Variants in PTCHD4 observed in about 807,000 individuals in gnomAD.
PTCHD4 encodes the protein patched domain containing 4.
A neutral mutation model predicts 58.1 loss-of-function variants in PTCHD4; 33 were observed. The ratio of observed to expected loss-of-function variants is 0.57; its 90% confidence interval spans 0.43 to 0.76. PTCHD4 has a LOEUF of 0.76. Ranked by LOEUF, PTCHD4 falls within the 30% of genes least tolerant of loss-of-function variation. The pLI, the probability that PTCHD4 is intolerant of heterozygous loss-of-function variation, is 0.00. For synonymous variants in PTCHD4, 478 were observed against 409.6 expected (o/e 1.17, Z -2.02); for missense variants, 1,058 against 1,027.1 (o/e 1.03, Z -0.41).
At chr6:48,080,044 G>A (rs1765135009) in intron 1 of PTCHD4, among the ~76,000 whole-genome samples, 1 of 133,998 alleles carries the variant, frequency 7.5e-6, no homozygotes, top group South Asian at 2.4e-4. Flanking sequence ...AAATAGAAGA[G>A]CCTAACTGCT....
rs186741159 is a variant in PTCHD4, at chr6:47,859,589, T to C, written c.*18714A>G. On this transcript the variant is annotated 3_prime_UTR_variant, in exon 5 of 5. Coordinates refer to ENST00000339488, the MANE Select transcript of PTCHD4 (RefSeq NM_001384253.1). ...TCAAATATTTATTGAATGCCTAACA[T>C]GTGCCTGGCACCCTTCAGGGTACTG... Among the ~76,000 whole-genome samples the C allele has an allele frequency of 6.6e-6, 1 of 151,980 alleles. No individual in the cohort carries two copies. The highest frequency in any genetic ancestry group is 1.5e-5 in the Non-Finnish European group (1 of 67,966).
At chr6:48,104,886 C>T (rs1367107901) in intron 1 of PTCHD4, among the ~76,000 whole-genome samples, 2 of 152,136 alleles carry the variant, frequency 1.3e-5, no homozygotes, top group Admixed American at 1.3e-4. Context: ...GGGATCAATT[C>T]AACAAGAAGA....
chr6:48,021,628 A>T (rs573165902), intron 3 of PTCHD4, among the ~76,000 whole-genome samples: 90 of 151,650 alleles, frequency 5.9e-4, no homozygotes, highest in Admixed American at 9.8e-4. Context: ...TTTTTCTTGG[A>T]TTATACAGAT....
intron 3 of PTCHD4, among the ~76,000 whole-genome samples, chr6:48,050,301 C>A (rs571297465): frequency 6.6e-6 from 1 of 151,892 alleles, no homozygotes; most frequent in African/African-American, 2.4e-5. Context: ...AGGGAATATA[C>A]TTTTATTAGT....
intron 4 of PTCHD4, among the ~76,000 whole-genome samples, chr6:47,888,566 G>C (rs973616139): frequency 1.3e-5 from 2 of 152,106 alleles, no homozygotes; most frequent in Admixed American, 6.5e-5. Flanking sequence ...TTAGTGTATA[G>C]ATAAAAGACA....
intron 4 of PTCHD4, among the ~76,000 whole-genome samples, chr6:47,904,213 T>C (rs950474561): frequency 6.6e-6 from 1 of 152,190 alleles, no homozygotes; most frequent in African/African-American, 2.4e-5. Context: ...GTTGCCATCA[T>C]GAGAATAGAA....
intron 3 of PTCHD4, among the ~76,000 whole-genome samples, chr6:48,041,646 T>C (rs552145434): frequency 1.3e-5 from 2 of 152,052 alleles, no homozygotes; most frequent in African/African-American, 4.8e-5. Context: ...TTGTCCGGTA[T>C]GTCAACTCTT....
chr6:47,937,776 G>A (rs55716297), intron 4 of PTCHD4, among the ~76,000 whole-genome samples: 18,210 of 152,216 alleles, frequency 0.12, 1,171 homozygotes, highest in African/African-American at 0.16. Flanking sequence ...AGGGTTGGAA[G>A]AAGAGAGGGG....
intron 4 of PTCHD4, among the ~76,000 whole-genome samples, chr6:47,974,661 CT>C (rs1206699790): frequency 6.6e-6 from 1 of 152,166 alleles, no homozygotes; most frequent in East Asian, 1.9e-4. Context: ...AAAATTGCCC[CT>C]GGTTGAGAAT....
At chr6:48,104,711 C>G (rs1765682623) in intron 1 of PTCHD4, among the ~76,000 whole-genome samples, 1 of 152,172 alleles carries the variant, frequency 6.6e-6, no homozygotes, top group Non-Finnish European at 1.5e-5. Flanking sequence ...AAACCTATCT[C>G]ATGTGCAGAG....
chr6:48,061,229 G>T (rs1289910863), intron 3 of PTCHD4, among the ~76,000 whole-genome samples: 1 of 152,094 alleles, frequency 6.6e-6, no homozygotes, highest in Non-Finnish European at 1.5e-5. Context: ...TTAAAGAGAT[G>T]GTTGGATTTA....
chr6:47,907,236 G>A (rs1040882104), intron 4 of PTCHD4, among the ~76,000 whole-genome samples: 15 of 152,126 alleles, frequency 9.9e-5, no homozygotes, highest in Non-Finnish European at 1.9e-4. Flanking sequence ...AAAATTTCCT[G>A]AGATTCTGCA....
chr6:47,926,539 T>C (rs887295289), intron 4 of PTCHD4, among the ~76,000 whole-genome samples: 4 of 152,210 alleles, frequency 2.6e-5, no homozygotes, highest in Non-Finnish European at 5.9e-5. Flanking sequence ...CCAAGATCTA[T>C]TGAATCAGAA....
intron 1 of PTCHD4, among the ~76,000 whole-genome samples, chr6:48,083,021 A>G (rs1318045085): frequency 6.6e-6 from 1 of 151,584 alleles, no homozygotes; most frequent in Non-Finnish European, 1.5e-5. Flanking sequence ...ATAGTTACCC[A>G]GGGGAAAAAA....
chr6:47,983,347 C>G (rs12199263), intron 4 of PTCHD4, among the ~76,000 whole-genome samples: 18,473 of 151,902 alleles, frequency 0.12, 1,460 homozygotes, highest in South Asian at 0.2. Flanking sequence ...TGAATTTATG[C>G]AGGGTTCAAA....
At chr6:47,996,555 G>GCTGAGTCT (rs2114049538) in intron 4 of PTCHD4, among the ~76,000 whole-genome samples, 2 of 152,282 alleles carry the variant, frequency 1.3e-5, no homozygotes, top group East Asian at 3.9e-4. Context: ...AGCTAGCAGA[G>GCTGAGTCT]CCAAGGAGCC....
intron 4 of PTCHD4, among the ~76,000 whole-genome samples, chr6:47,909,075 A>G (rs751936052): frequency 4.6e-5 from 7 of 152,180 alleles, no homozygotes; most frequent in Non-Finnish European, 7.4e-5. Flanking sequence ...ACCACAAATT[A>G]TGTTTTGAAT....
At chr6:47,928,147 A>G (rs1166163434) in intron 4 of PTCHD4, among the ~76,000 whole-genome samples, 8 of 152,154 alleles carry the variant, frequency 5.3e-5, no homozygotes, top group Non-Finnish European at 1.0e-4. Flanking sequence ...TGCTTTTTCC[A>G]AGCTCACACC....
intron 1 of PTCHD4, among the ~76,000 whole-genome samples, chr6:48,086,518 T>TC (rs1363831624): frequency 2.6e-5 from 4 of 151,810 alleles, no homozygotes; most frequent in South Asian, 4.2e-4. Flanking sequence ...TGTTTTTTTT[T>TC]CCCTAATATA....
Sources: allele counts gnomAD v4.1 joint callset (sites outside exome capture counted in the v4.1 genomes callset), GRCh38; gene constraint gnomAD v4.1.1; transcripts MANE v1.5; gene names NCBI Gene and HGNC (gene_info 2026-07-23, HGNC 2026-07-21).